The following SCMH1 variants were observed in gnomAD, a reference collection of about 807,000 sequenced individuals.
SCMH1 encodes the protein Scm polycomb group protein homolog 1.
SCMH1 carries 37 observed loss-of-function variants against 70.8 expected under a neutral mutation model. The observed-to-expected ratio is 0.52, with a 90% CI of 0.40 to 0.69. The LOEUF is 0.69. SCMH1 is among the 30% of genes least tolerant of loss of function. SCMH1 has a pLI of 0.00. For missense variants in SCMH1, 607 were observed against 827.3 expected, an observed-to-expected ratio of 0.73 and a Z score of 3.27; for synonymous variants, 292 against 307.4, an observed-to-expected ratio of 0.95 and a Z score of 0.52.
At chr1:41,211,070 A>C (rs144071342) in intron 1 of SCMH1, among the ~76,000 whole-genome samples, 1,958 of 152,250 alleles carry the variant, frequency 0.013, 40 homozygotes, top group African/African-American at 0.045. Context: ...GGCCTCCCAA[A>C]GTGCAGGGAT....
At chr1:41,079,929 C>T (rs2148936458) in intron 8 of SCMH1, among the ~76,000 whole-genome samples, 1 of 152,158 alleles carries the variant, frequency 6.6e-6, no homozygotes, top group East Asian at 1.9e-4. Context: ...TTTCTGTTGG[C>T]TCTTGTCTGC....
chr1:41,161,836 G>A (rs1646058953), intron 2 of SCMH1, among the ~76,000 whole-genome samples: 2 of 152,218 alleles, frequency 1.3e-5, no homozygotes, highest in Non-Finnish European at 2.9e-5. Flanking sequence ...CAGCACCCCA[G>A]TTATGGGCTC....
intron 6 of SCMH1, among the ~76,000 whole-genome samples, chr1:41,130,574 T>C (rs887825801): frequency 6.6e-6 from 1 of 152,140 alleles, no homozygotes; most frequent in Non-Finnish European, 1.5e-5. Flanking sequence ...TTTTTGCATG[T>C]GTATATGTCA....
chr1:41,048,946 G>A, intron 10 of SCMH1, 56 bp from the exon 11 acceptor site: 1 of 1,483,622 alleles, frequency 6.7e-7, no homozygotes, highest in South Asian at 1.3e-5. Context: ...AGAGAAGTCA[G>A]AGAACAGCAT....
chr1:41,071,497 C>G (rs750010833), intron 9 of SCMH1, among the ~76,000 whole-genome samples: 1 of 152,112 alleles, frequency 6.6e-6, no homozygotes, highest in Non-Finnish European at 1.5e-5. Flanking sequence ...TAGCATGGTA[C>G]TTAGCATAAA....
At chr1:41,212,737 C>T (rs1657290324) in intron 1 of SCMH1, among the ~76,000 whole-genome samples, 1 of 152,216 alleles carries the variant, frequency 6.6e-6, no homozygotes, top group South Asian at 2.1e-4. Flanking sequence ...ACCATGCTGG[C>T]AACCCACTCT....
rs1007158502 is a variant in SCMH1, at chr1:41,204,924, A to G, written c.-117-18674T>C. ...TTTAATAGTAAGGAAAAAAGGCACA[A>G]AACTAAAAAATTATATGACCAGAAT... On this transcript the variant is annotated intron_variant, in intron 1 of 14. Transcript: ENST00000337495. 2.0e-5 allele frequency among the ~76,000 whole-genome samples: 3 copies of G among 152,222 alleles called. 1 individual carries two copies. The highest frequency in any genetic ancestry group is 7.2e-5 in the African/African-American group (3 of 41,454).
At chr1:41,066,025 A>G (rs888547925) in intron 10 of SCMH1, among the ~76,000 whole-genome samples, 1 of 152,126 alleles carries the variant, frequency 6.6e-6, no homozygotes, top group African/African-American at 2.4e-5. Context: ...TGTGAGTCCT[A>G]CCTATGGGAA....
intron 1 of SCMH1, among the ~76,000 whole-genome samples, chr1:41,228,386 T>C (rs1660666172): frequency 1.3e-5 from 2 of 152,154 alleles, no homozygotes; most frequent in Non-Finnish European, 1.5e-5. Flanking sequence ...CTGTTAAAAA[T>C]AGTTGAAATG....
At chr1:41,228,741 G>A (rs1335060805) in intron 1 of SCMH1, among the ~76,000 whole-genome samples, 1 of 142,580 alleles carries the variant, frequency 7.0e-6, no homozygotes, top group Non-Finnish European at 1.6e-5. Flanking sequence ...GCAAGATCCT[G>A]ACTTGGGGAA....
At chr1:41,117,126 T>C in intron 6 of SCMH1, 116 bp from the exon 7 acceptor site, 1 of 515,294 alleles carries the variant, frequency 1.9e-6, no homozygotes, top group South Asian at 4.5e-5. Flanking sequence ...GCTCTTCCAG[T>C]ATAATAAAAT....
chr1:41,215,890 A>G (rs2148821665), intron 1 of SCMH1, among the ~76,000 whole-genome samples: 1 of 152,326 alleles, frequency 6.6e-6, no homozygotes, highest in South Asian at 2.1e-4. Flanking sequence ...AGCTGAATTT[A>G]AATATACTCA....
intron 8 of SCMH1, among the ~76,000 whole-genome samples, chr1:41,096,233 C>A (rs1429889794): frequency 6.6e-6 from 1 of 152,062 alleles, no homozygotes; most frequent in African/African-American, 2.4e-5. Context: ...TTGGAAGCAA[C>A]CTTATGTCAT....
intron 1 of SCMH1, among the ~76,000 whole-genome samples, chr1:41,226,557 A>T (rs1035226361): frequency 2.0e-5 from 3 of 152,164 alleles, no homozygotes; most frequent in Non-Finnish European, 4.4e-5. Context: ...ATTTTTAGAA[A>T]GACATTAAGC....
At chr1:41,118,401 T>C (rs1319987332) in intron 6 of SCMH1, among the ~76,000 whole-genome samples, 1 of 152,160 alleles carries the variant, frequency 6.6e-6, no homozygotes, top group African/African-American at 2.4e-5. Flanking sequence ...CAGTAGAGTA[T>C]GAAAGGGGAT....
At chr1:41,234,751 G>A (rs1662016555) in intron 1 of SCMH1, among the ~76,000 whole-genome samples, 1 of 151,834 alleles carries the variant, frequency 6.6e-6, no homozygotes, top group South Asian at 2.1e-4. Context: ...TGGGATTACA[G>A]GCATGAGCCA....
At position 41,097,615 on chromosome 1, in the gene SCMH1, T is replaced by C. The variant is rs1232858992; in HGVS notation, c.745+15668A>G. ...TCCCAAGTAGTTGGGACTACAGGCA[T>C]GTGCCACCACAGCTAGCTAATCAAA... On this transcript the variant is annotated intron_variant, in intron 8 of 14. Transcript: ENST00000337495. Among the ~76,000 whole-genome samples, 4 of 152,320 alleles carry C rather than the reference T, an allele frequency of 2.6e-5. No individual in the cohort carries two copies. In the East Asian group the frequency reaches 7.7e-4, roughly 29 times the overall value.
chr1:41,062,305 A>T (rs1322522051), intron 10 of SCMH1, among the ~76,000 whole-genome samples: 3 of 152,208 alleles, frequency 2.0e-5, no homozygotes, highest in South Asian at 2.1e-4. Context: ...AGAGAAATTT[A>T]AAAAATATTT....
intron 10 of SCMH1, among the ~76,000 whole-genome samples, chr1:41,051,392 T>G (rs1648088954): frequency 6.6e-6 from 1 of 152,246 alleles, no homozygotes; most frequent in Non-Finnish European, 1.5e-5. Flanking sequence ...ATCATTATTG[T>G]AGAGTGTACT....
Sources: gnomAD v4.1 joint callset for allele counts (sites outside exome capture counted in the v4.1 genomes callset) on GRCh38, gnomAD v4.1.1 for gene constraint, MANE v1.5 for transcripts, NCBI Gene and HGNC (gene_info 2026-07-23, HGNC 2026-07-21) for gene names.